The following SLC44A5 variants were observed in gnomAD, a reference collection of about 807,000 sequenced individuals.
SLC44A5 encodes the protein solute carrier family 44 member 5.
SLC44A5 carries 57 observed loss-of-function variants against 101.8 expected under a neutral mutation model. The observed-to-expected ratio is 0.56, with a 90% CI of 0.45 to 0.70. The LOEUF (loss-of-function observed/expected upper bound fraction) is 0.70, where lower values mean the gene tolerates loss of function less well. Among genes scored for constraint, SLC44A5 ranks in the 30% least tolerant of loss-of-function variants. The probability of loss-of-function intolerance (pLI) is 0.00; values close to 1 mark genes in which losing one functional copy is unlikely to be tolerated. For synonymous variants in SLC44A5, 281 were observed against 290.9 expected (o/e 0.97, Z 0.35); for missense variants, 737 against 853.1 (o/e 0.86, Z 1.70).
intron 2 of SLC44A5, among the ~76,000 whole-genome samples, chr1:75,431,061 G>A (rs1664585990): frequency 6.6e-6 from 1 of 152,184 alleles, no homozygotes; most frequent in Non-Finnish European, 1.5e-5. Flanking sequence ...ACAGTTATGT[G>A]AGGGGAGGAT....
the SLC44A5 span, among the ~76,000 whole-genome samples, chr1:75,624,835 C>T: frequency 6.6e-6 from 1 of 152,118 alleles, no homozygotes; most frequent in Non-Finnish European, 1.5e-5. Context: ...CTACTGAAAC[C>T]AGCTCTGCTG....
At chr1:75,602,900 T>C (rs1675062610) in intron 1 of SLC44A5, among the ~76,000 whole-genome samples, 1 of 152,152 alleles carries the variant, frequency 6.6e-6, no homozygotes, top group African/African-American at 2.4e-5. Flanking sequence ...GTTTTGACTT[T>C]CCTGTAAGGC....
chr1:75,611,371 T>C (rs1239574611), upstream of SLC44A5, among the ~76,000 whole-genome samples: 1 of 152,148 alleles, frequency 6.6e-6, no homozygotes, highest in Admixed American at 6.5e-5. Flanking sequence ...TACTATTATT[T>C]GTGTCTTTCC....
intron 4 of SLC44A5, among the ~76,000 whole-genome samples, chr1:75,318,587 T>C (rs964095884): frequency 6.6e-6 from 1 of 152,184 alleles, no homozygotes; most frequent in African/African-American, 2.4e-5. Flanking sequence ...CAAGTTCATA[T>C]AGGAACTTGA....
chr1:75,487,069 T>C (rs74089264), intron 2 of SLC44A5, among the ~76,000 whole-genome samples: 35,024 of 152,102 alleles, frequency 0.23, 4,921 homozygotes, highest in African/African-American at 0.4. Flanking sequence ...TAGGTTCTGG[T>C]CTTGACACCA....
At chr1:75,598,544 A>G (rs563373921) in intron 1 of SLC44A5, among the ~76,000 whole-genome samples, 7 of 152,306 alleles carry the variant, frequency 4.6e-5, no homozygotes, top group Non-Finnish European at 1.0e-4. Context: ...TCAATGATAA[A>G]CTGAATAAAG....
chr1:75,402,347 T>C, intron 2 of SLC44A5: 1 of 265,486 alleles, frequency 3.8e-6, no homozygotes, highest in Non-Finnish European at 8.2e-6. Context: ...TCACGGGGTT[T>C]TTTAAGAAAC....
At chr1:75,597,821 C>T (rs1056283616) in intron 1 of SLC44A5, among the ~76,000 whole-genome samples, 1 of 152,092 alleles carries the variant, frequency 6.6e-6, no homozygotes, top group East Asian at 1.9e-4. Flanking sequence ...AATATAAAAC[C>T]TAAAAGTATA....
chr1:75,506,193 C>T (rs1669244669), intron 2 of SLC44A5, among the ~76,000 whole-genome samples: 1 of 152,106 alleles, frequency 6.6e-6, no homozygotes, highest in Admixed American at 6.5e-5. Flanking sequence ...GTTCTCTCTT[C>T]TGTTCCATTG....
At chr1:75,230,383 G>A (rs1460553308) in intron 12 of SLC44A5, among the ~76,000 whole-genome samples, 1 of 151,906 alleles carries the variant, frequency 6.6e-6, no homozygotes, top group Non-Finnish European at 1.5e-5. Flanking sequence ...GAGTAGCTGG[G>A]ACTACAGGTG....
chr1:75,450,135 T>C (rs1375502049), intron 2 of SLC44A5, among the ~76,000 whole-genome samples: 1 of 152,020 alleles, frequency 6.6e-6, no homozygotes, highest in African/African-American at 2.4e-5. Flanking sequence ...CGAGCAAACT[T>C]CCCCCGTGAC....
At chr1:75,311,263 C>T (rs1480686103) in intron 4 of SLC44A5, among the ~76,000 whole-genome samples, 1 of 151,992 alleles carries the variant, frequency 6.6e-6, no homozygotes, top group Non-Finnish European at 1.5e-5. Flanking sequence ...ATTACAGGCA[C>T]TCACCACCAC....
At chr1:75,345,464 T>G (rs930844015) in intron 3 of SLC44A5, among the ~76,000 whole-genome samples, 1 of 152,134 alleles carries the variant, frequency 6.6e-6, no homozygotes, top group African/African-American at 2.4e-5. Flanking sequence ...GGGGACCAAC[T>G]AATATGGGAA....
the SLC44A5 span, among the ~76,000 whole-genome samples, chr1:75,632,942 T>C: frequency 6.6e-6 from 1 of 152,180 alleles, no homozygotes; most frequent in African/African-American, 2.4e-5. Context: ...TCATTATTAT[T>C]TGGTGGTGCT....
At chr1:75,554,497 A>T (rs1467716103) in intron 1 of SLC44A5, among the ~76,000 whole-genome samples, 2 of 151,282 alleles carry the variant, frequency 1.3e-5, no homozygotes, top group African/African-American at 4.9e-5. Flanking sequence ...ATGTAATTGA[A>T]GTGTCAGATG....
chr1:75,491,292 G>A (rs1668412864), intron 2 of SLC44A5, among the ~76,000 whole-genome samples: 1 of 152,132 alleles, frequency 6.6e-6, no homozygotes, highest in African/African-American at 2.4e-5. Context: ...AACAGCTTGA[G>A]GTCGAAGTTG....
Position 75,211,508 on chromosome 1 carries a change from G to T in SLC44A5, c.2007C>A (p.Ser669Arg). ...TTGTTTCAACACACATTGCATAGAC[G>T]CTGAAGAACCCATGTGCAATCAGGT... ...GSYLIAHGFF[S>R]VYAMCVETIF... is the part of the protein sequence containing the mutation. Residue 669 changes from serine to arginine, a missense_variant, in exon 23 of 24, where the codon AGC becomes AGA. Ser to Arg is a moderately radical substitution (Grantham distance 110). Transcript: ENST00000370859. The T allele has an allele frequency of 6.2e-7, 1 of 1,612,650 alleles. No homozygotes were observed. Among genetic ancestry groups the T allele is most frequent in the Non-Finnish European group, 8.5e-7 (1 of 1,179,100 alleles).
intron 2 of SLC44A5, among the ~76,000 whole-genome samples, chr1:75,450,432 TGC>T (rs1418130336): frequency 6.6e-5 from 10 of 152,216 alleles, no homozygotes; most frequent in Non-Finnish European, 1.0e-4. Flanking sequence ...CTGGCAGCAT[TGC>T]CATGTAGGCA....
chr1:75,402,646 G>A (rs900083599), intron 2 of SLC44A5, among the ~76,000 whole-genome samples: 11 of 152,210 alleles, frequency 7.2e-5, no homozygotes, highest in Non-Finnish European at 1.5e-4. Flanking sequence ...GAGGAACGGT[G>A]CATTCTGGCC....
Sources: gnomAD v4.1 joint callset for allele counts (sites outside exome capture counted in the v4.1 genomes callset) on GRCh38, gnomAD v4.1.1 for gene constraint, MANE v1.5 for transcripts, NCBI Gene and HGNC (gene_info 2026-07-23, HGNC 2026-07-21) for gene names.